The following USP34 variants were observed in gnomAD, a reference collection of about 807,000 sequenced individuals.
The protein encoded by USP34 is ubiquitin carboxyl-terminal hydrolase 34.
USP34 carries 70 observed loss-of-function variants against 460.3 expected under a neutral mutation model. The observed-to-expected ratio is 0.15, with a 90% CI of 0.13 to 0.19. USP34 has a LOEUF of 0.19. Among genes scored for constraint, USP34 ranks in the 10% least tolerant of loss-of-function variants. The probability of loss-of-function intolerance (pLI) is 1.00; values close to 1 mark genes in which losing one functional copy is unlikely to be tolerated. For synonymous variants in USP34, 1,647 were observed against 1,405.3 expected (o/e 1.17, Z -3.85); for missense variants, 3,985 against 4,236.2 (o/e 0.94, Z 1.65).
At chr2:61,373,299 T>G (rs1244065311) in intron 8 of USP34, among the ~76,000 whole-genome samples, 1 of 150,194 alleles carries the variant, frequency 6.7e-6, no homozygotes, top group South Asian at 2.1e-4. Context: ...CAAAATGAGA[T>G]GTAAAACAAG....
chr2:61,440,762 C>A (rs1339102985), intron 1 of USP34, among the ~76,000 whole-genome samples: 1 of 151,764 alleles, frequency 6.6e-6, no homozygotes, highest in Non-Finnish European at 1.5e-5. Flanking sequence ...AGGCAATCCG[C>A]CTGCCTTGGC....
intron 1 of USP34, among the ~76,000 whole-genome samples, chr2:61,444,865 C>T (rs898302583): frequency 3.3e-5 from 5 of 150,708 alleles, no homozygotes; most frequent in Non-Finnish European, 7.4e-5. Context: ...ACAGGGGAGC[C>T]TCTTCCTTCT....
At chr2:61,351,407 A>G (rs1370006896) in intron 10 of USP34, among the ~76,000 whole-genome samples, 1 of 152,164 alleles carries the variant, frequency 6.6e-6, no homozygotes, top group African/African-American at 2.4e-5. Context: ...ACAAACATGT[A>G]AATTCATGAG....
chr2:61,229,582 C>G lies in USP34; in HGVS notation c.7165G>C (p.Ala2389Pro). 1 of 1,611,994 alleles carries G rather than the reference C, an allele frequency of 6.2e-7. No homozygotes were observed. Among genetic ancestry groups the G allele is most frequent in the Non-Finnish European group, 8.5e-7 (1 of 1,179,320 alleles). ...HVIQRLRPVH[A>P]HLYLQPGMED... ...ATTCCTGGCTGCAAATAGAGATGAGCATGCACAGGTCTCAGCCTCTGAATC... is the reference window on the plus strand; with the variant it reads ...ATTCCTGGCTGCAAATAGAGATGAGGATGCACAGGTCTCAGCCTCTGAATC... Residue 2389 changes from alanine (A) to proline (P), a missense_variant, in exon 59 of 80, where the codon GCT (alanine) becomes CCT (proline). By Grantham distance (27) the Ala-to-Pro change is conservative (BLOSUM62 -1). This residue lies in a region of USP34 where 604 missense variants were observed against 684.8 expected (regional missense o/e 0.88). Transcript: ENST00000398571.
chr2:61,465,960 G>C (rs922720792), intron 1 of USP34, among the ~76,000 whole-genome samples: 1 of 151,620 alleles, frequency 6.6e-6, no homozygotes, highest in Admixed American at 6.6e-5. Flanking sequence ...CTGGGTGACA[G>C]AACAAGACTC....
At chr2:61,331,902 A>T (rs751366199) in intron 19 of USP34, among the ~76,000 whole-genome samples, 1 of 152,070 alleles carries the variant, frequency 6.6e-6, no homozygotes, top group African/African-American at 2.4e-5. Context: ...CATAACTTCC[A>T]TAATTAACAT....
At chr2:61,297,630 T>C (rs1472235653) in intron 29 of USP34, among the ~76,000 whole-genome samples, 1 of 152,250 alleles carries the variant, frequency 6.6e-6, no homozygotes, top group Non-Finnish European at 1.5e-5. Context: ...ACTGCTACTA[T>C]CACAGTGATT....
intron 43 of USP34, among the ~76,000 whole-genome samples, chr2:61,261,319 C>T (rs1209085342): frequency 6.6e-6 from 1 of 152,128 alleles, no homozygotes; most frequent in Non-Finnish European, 1.5e-5. Context: ...TATAATTCAG[C>T]CTTAAAAAGG....
At chr2:61,233,642 A>C (rs564226466) in intron 57 of USP34, among the ~76,000 whole-genome samples, 82 of 152,182 alleles carry the variant, frequency 5.4e-4, no homozygotes, top group African/African-American at 1.9e-3. Flanking sequence ...CTGGGCAACA[A>C]AGAGACTCTG....
intron 1 of USP34, among the ~76,000 whole-genome samples, chr2:61,435,375 G>C (rs890780130): frequency 9.2e-6 from 1 of 108,756 alleles, no homozygotes; most frequent in Admixed American, 9.1e-5. Context: ...ACAAATAAAA[G>C]TATCTCCACC....
At chr2:61,468,341 G>A (rs568797179) in intron 1 of USP34, among the ~76,000 whole-genome samples, 2 of 152,268 alleles carry the variant, frequency 1.3e-5, no homozygotes, top group Non-Finnish European at 2.9e-5. Context: ...GTGCCACCAC[G>A]CTCAGCTAAT....
At chr2:61,334,581 T>C (rs1304050650) in intron 18 of USP34, among the ~76,000 whole-genome samples, 1 of 152,212 alleles carries the variant, frequency 6.6e-6, no homozygotes, top group African/African-American at 2.4e-5. Flanking sequence ...AAGCCAATAC[T>C]GCTTCATGAA....
At chr2:61,304,379 G>C (rs955384255) in intron 27 of USP34, among the ~76,000 whole-genome samples, 28 of 152,284 alleles carry the variant, frequency 1.8e-4, no homozygotes, top group African/African-American at 6.7e-4. Flanking sequence ...GCCTGTATTT[G>C]ATATGAGATA....
chr2:61,426,039 T>G (rs1694502378), intron 1 of USP34, among the ~76,000 whole-genome samples: 1 of 152,008 alleles, frequency 6.6e-6, no homozygotes, highest in African/African-American at 2.4e-5. Flanking sequence ...AGACAGGAGC[T>G]GACAGCATTC....
chr2:61,220,074 T>C lies in USP34; in HGVS notation c.8047+236A>G, dbSNP rs542475780. The C allele has an allele frequency of 5.0e-5, 19 of 376,778 alleles. No homozygotes were observed. In the East Asian group the frequency reaches 8.5e-4, roughly 17 times the overall value. 23.3% of individuals were successfully genotyped at this position (376,778 alleles called of 1,614,324 possible). On this transcript the variant is annotated intron_variant, in intron 67 of 79. Transcript: ENST00000398571. ...CCCTTCATTACTGCTGATCATGCCT[T>C]ATCACTCTTATCAAGCAAGGAAACA...
intron 3 of USP34, among the ~76,000 whole-genome samples, chr2:61,401,752 G>A (rs1196838029): frequency 1.4e-5 from 2 of 145,496 alleles, no homozygotes; most frequent in Non-Finnish European, 3.0e-5. Flanking sequence ...TAGAGACAGC[G>A]TTTTACCGTG....
At chr2:61,424,633 T>A (rs976544688) in intron 1 of USP34, among the ~76,000 whole-genome samples, 3 of 152,162 alleles carry the variant, frequency 2.0e-5, no homozygotes. Context: ...CCCAACACTT[T>A]GCGAGGCCAA....
At chr2:61,216,705 G>C (rs762837536) in intron 67 of USP34, among the ~76,000 whole-genome samples, 6 of 152,024 alleles carry the variant, frequency 3.9e-5, no homozygotes, top group Non-Finnish European at 8.8e-5. Context: ...GATCATCTGA[G>C]GTCAGGAGTT....
At chr2:61,367,185 A>C (rs2103827907) in intron 10 of USP34, among the ~76,000 whole-genome samples, 1 of 152,352 alleles carries the variant, frequency 6.6e-6, no homozygotes, top group East Asian at 1.9e-4. Flanking sequence ...GAAACGTAAC[A>C]TAGAAAGGGC....
Sources: allele counts gnomAD v4.1 joint callset (sites outside exome capture counted in the v4.1 genomes callset), GRCh38; gene constraint gnomAD v4.1.1; regional missense constraint gnomAD v4.1.1; transcripts MANE v1.5; gene names NCBI Gene and HGNC (gene_info 2026-07-23, HGNC 2026-07-21).